DTD1: variants seen among roughly 807,000 people sequenced by gnomAD.
The protein encoded by DTD1 is D-tyrosyl-tRNA deacylase 1 homolog.
DTD1 carries 13 observed loss-of-function variants against 25.6 expected under a neutral mutation model. That is an observed-to-expected ratio of 0.51 (90% CI 0.33 to 0.81). DTD1 has a LOEUF of 0.81. DTD1 is among the 30% of genes least tolerant of loss of function. The pLI is 0.02. For synonymous variants in DTD1, 110 were observed against 103.6 expected (o/e 1.06, Z -0.37); for missense variants, 193 against 266.4 (o/e 0.72, Z 1.92).
chr20:18,598,813 A>G (rs944429406), intron 3 of DTD1, among the ~76,000 whole-genome samples: 3 of 151,832 alleles, frequency 2.0e-5, no homozygotes, highest in Non-Finnish European at 4.4e-5. Flanking sequence ...CCGGCCAGTA[A>G]TGGTAATTTT....
chr20:18,744,655 A>AAAAAAAAAAAC lies in DTD1; in HGVS notation c.*19+384_*19+385insAAAAAAAAAAC, dbSNP rs10632823. 1.1e-4 allele frequency among the ~76,000 whole-genome samples: 13 copies of AAAAAAAAAAAC among 119,936 alleles called. 2 individuals carry two copies. Among genetic ancestry groups the AAAAAAAAAAAC allele is most frequent in the Admixed American group, 5.3e-4 (6 of 11,276 alleles). The allele number at this position is 119,936 out of a possible 152,430, so 78.7% of individuals were successfully genotyped here. Reference sequence around the variant, plus strand: ...CCATCTCAAAAAAAAAAAACAAAAAACAAGTGAAAGGGGTTTCCCCTTATA... The same window carrying AAAAAAAAAAAC: ...CCATCTCAAAAAAAAAAAACAAAAAAAAAAAAAAAACCAAGTGAAAGGGGTTTCCCCTTATA... On this transcript the variant is annotated intron_variant, in intron 5 of 5. Coordinates refer to ENST00000377452, the MANE Select transcript of DTD1 (RefSeq NM_080820.6).
chr20:18,737,164 G>A (rs1439041534), intron 4 of DTD1, among the ~76,000 whole-genome samples: 1 of 152,158 alleles, frequency 6.6e-6, no homozygotes. Context: ...CTGTTCTTCT[G>A]CCTTTGCCTG....
chr20:18,667,509 A>G (rs6136461), intron 4 of DTD1, among the ~76,000 whole-genome samples: 21,960 of 152,158 alleles, frequency 0.14, 1,709 homozygotes, highest in Admixed American at 0.2. Context: ...CCCTCTTATC[A>G]GTTTACTTGA....
At chr20:18,717,720 G>A (rs2061186730) in intron 4 of DTD1, among the ~76,000 whole-genome samples, 1 of 152,104 alleles carries the variant, frequency 6.6e-6, no homozygotes, top group Non-Finnish European at 1.5e-5. Flanking sequence ...ATTTTCTTCT[G>A]GGTCTTTGAT....
rs2122244498 is a variant in DTD1, at chr20:18,596,101, T to C, written c.230T>C (p.Val77Ala). The C allele has an allele frequency of 1.2e-6, 2 of 1,614,164 alleles. No individual in the cohort carries two copies. The highest frequency in any genetic ancestry group is 4.5e-5 in the East Asian group (2 of 44,886). ...VMDKQYEILC[V>A]SQFTLQCVLK... Reference sequence around the variant, plus strand: ...GACAAACAGTACGAGATTCTGTGTGTCAGCCAGTTTACCCTCCAGTGTGTC... The same window carrying C: ...GACAAACAGTACGAGATTCTGTGTGCCAGCCAGTTTACCCTCCAGTGTGTC... The change falls in exon 3 of 6, where the codon GTC (valine) becomes GCC (alanine). Residue 77 changes from valine (V) to alanine (A), a missense_variant. Val to Ala is a moderately conservative substitution (Grantham distance 64). Transcript: ENST00000377452.
chr20:18,722,247 G>A (rs1568681552), intron 4 of DTD1, among the ~76,000 whole-genome samples: 1 of 152,236 alleles, frequency 6.6e-6, no homozygotes, highest in Non-Finnish European at 1.5e-5. Context: ...GTGGGCATGG[G>A]GTTCCTGGGA....
At chr20:18,741,726 T>C (rs1568686811) in intron 4 of DTD1, among the ~76,000 whole-genome samples, 1 of 151,584 alleles carries the variant, frequency 6.6e-6, no homozygotes. Flanking sequence ...TTTTTTTAAT[T>C]AAAAAAAATT....
chr20:18,664,048 A>G (rs1394929440), intron 4 of DTD1, among the ~76,000 whole-genome samples: 2 of 152,242 alleles, frequency 1.3e-5, no homozygotes, highest in Non-Finnish European at 2.9e-5. Context: ...AATAGGCTAC[A>G]CCACATAGCT....
intron 4 of DTD1, among the ~76,000 whole-genome samples, chr20:18,700,726 G>T (rs2061101629): frequency 6.6e-6 from 1 of 152,138 alleles, no homozygotes; most frequent in Non-Finnish European, 1.5e-5. Flanking sequence ...GGCAGTCAGG[G>T]CTTCAGTGGA....
At chr20:18,635,426 C>T (rs2060803329) in intron 4 of DTD1, among the ~76,000 whole-genome samples, 1 of 152,202 alleles carries the variant, frequency 6.6e-6, no homozygotes, top group African/African-American at 2.4e-5. Context: ...AGACCTCTCA[C>T]CACACATGGA....
intron 4 of DTD1, among the ~76,000 whole-genome samples, chr20:18,699,225 CCA>C (rs535838583): frequency 5.0e-4 from 76 of 152,294 alleles, no homozygotes; most frequent in African/African-American, 1.6e-3. Context: ...CACAGGTAGG[CCA>C]TGGCAGAATG....
At chr20:18,732,494 G>C (rs192982130) in intron 4 of DTD1, among the ~76,000 whole-genome samples, 6 of 152,298 alleles carry the variant, frequency 3.9e-5, no homozygotes, top group Admixed American at 3.9e-4. Context: ...AGGAGTACAT[G>C]GGGGGCATGG....
chr20:18,728,297 A>G (rs1478018758), intron 4 of DTD1, among the ~76,000 whole-genome samples: 2 of 152,010 alleles, frequency 1.3e-5, no homozygotes, highest in African/African-American at 4.8e-5. Context: ...GGTCAGTGGC[A>G]CAGCAAGACC....
intron 4 of DTD1, among the ~76,000 whole-genome samples, chr20:18,670,791 A>T (rs1201695242): frequency 6.6e-6 from 1 of 152,242 alleles, no homozygotes; most frequent in Non-Finnish European, 1.5e-5. Context: ...CCATGGAGTG[A>T]AACCTTCAGA....
chr20:18,732,373 C>T (rs1029263728), intron 4 of DTD1, among the ~76,000 whole-genome samples: 1 of 152,176 alleles, frequency 6.6e-6, no homozygotes, highest in African/African-American at 2.4e-5. Context: ...CATGTGCCGA[C>T]AGGGTAATAG....
chr20:18,710,118 T>C (rs2061152814), intron 4 of DTD1, among the ~76,000 whole-genome samples: 1 of 152,156 alleles, frequency 6.6e-6, no homozygotes, highest in South Asian at 2.1e-4. Context: ...GTATAAACTT[T>C]GATTGTCCTG....
intron 3 of DTD1, among the ~76,000 whole-genome samples, chr20:18,609,327 T>G (rs1334839844): frequency 1.3e-5 from 2 of 151,916 alleles, no homozygotes; most frequent in East Asian, 1.9e-4. Context: ...TGTATTTTTT[T>G]TTTTAGTAGA....
chr20:18,749,858 C>T lies in DTD1; in HGVS notation c.*19+5587C>T, dbSNP rs149259449. ...TATTGCTACTCAGCGCATGGAGGCT[C>T]ATGAACAAGTTTAGATCGGCCCATG... On this transcript the variant is annotated intron_variant, in intron 5 of 5. Coordinates refer to ENST00000377452, the MANE Select transcript of DTD1 (RefSeq NM_080820.6). This position sits in a 1 kb window ranked among gnomAD's most constrained non-coding sequence, Gnocchi z 4.2. 6.6e-6 allele frequency among the ~76,000 whole-genome samples: 1 copy of T among 152,288 alleles called. No homozygotes were observed. The highest frequency in any genetic ancestry group is 1.9e-4 in the East Asian group (1 of 5,180).
chr20:18,697,048 G>A (rs1251638070), intron 4 of DTD1, among the ~76,000 whole-genome samples: 2 of 151,632 alleles, frequency 1.3e-5, no homozygotes, highest in African/African-American at 2.4e-5. Context: ...CTGCTAACAC[G>A]GTGAAACCCC....
Sources: gnomAD v4.1 joint callset for allele counts (sites outside exome capture counted in the v4.1 genomes callset) on GRCh38, gnomAD v4.1.1 for gene constraint, Gnocchi (gnomAD v3.1) non-coding constraint, MANE v1.5 for transcripts, NCBI Gene and HGNC (gene_info 2026-07-23, HGNC 2026-07-21) for gene names.